Variants in OTUD7B observed in about 807,000 individuals in gnomAD.
The protein encoded by OTUD7B is OTU domain-containing protein 7B.
A neutral mutation model predicts 82.2 loss-of-function variants in OTUD7B; 34 were observed. The ratio of observed to expected loss-of-function variants is 0.41; its 90% CI spans 0.31 to 0.55. The LOEUF is 0.55. Ranked by LOEUF, OTUD7B falls within the 20% of genes least tolerant of loss-of-function variation. The pLI, the probability that OTUD7B is intolerant of heterozygous loss-of-function variation, is 0.20. For synonymous variants in OTUD7B, 398 were observed against 402.7 expected (o/e 0.99, Z 0.14); for missense variants, 944 against 1,062.1 (o/e 0.89, Z 1.55).
chr1:150,043,652 C>T, the OTUD7B span, among the ~76,000 whole-genome samples: 1 of 152,086 alleles, frequency 6.6e-6, no homozygotes, highest in African/African-American at 2.4e-5. Flanking sequence ...ACTAGTTGAT[C>T]ACTACATTCC....
Position 149,971,146 on chromosome 1 carries a change from C to T in OTUD7B, c.191G>A (p.Arg64Lys). 1 of 1,613,792 alleles carries T rather than the reference C, an allele frequency of 6.2e-7. No homozygotes were observed. The highest frequency in any genetic ancestry group is 8.5e-7 in the Non-Finnish European group (1 of 1,179,764). The stretch of plus-strand genomic sequence containing the variant: ...GTCAGAAAACCCTTTTTCAGGGGTC[C>T]TGGAGCCACCACTCCCCTCACTAAA... ...PSFSEGSGGS[R>K]TPEKGFSDRE... The change falls in exon 3 of 12, where the codon AGG becomes AAG. Residue 64 changes from arginine (R) to lysine (K), a missense_variant. Arg to Lys is a conservative substitution (Grantham distance 26, BLOSUM62 2). This residue lies in a region of OTUD7B where 530 missense variants were observed against 625.6 expected (regional missense o/e 0.85). Coordinates refer to ENST00000581312, the MANE Select transcript of OTUD7B (RefSeq NM_020205.4).
At chr1:149,975,893 C>T (rs1650271914) in intron 2 of OTUD7B, among the ~76,000 whole-genome samples, 1 of 151,470 alleles carries the variant, frequency 6.6e-6, no homozygotes, top group Admixed American at 6.6e-5. Context: ...TGGTGGCGCG[C>T]GTCTGTAGTC....
the OTUD7B span, among the ~76,000 whole-genome samples, chr1:150,038,538 C>T: frequency 6.6e-6 from 1 of 151,778 alleles, no homozygotes; most frequent in African/African-American, 2.4e-5. Flanking sequence ...AGGCACACAC[C>T]GCCACACCTG....
At chr1:149,971,788 G>T (rs587746796) in intron 2 of OTUD7B, among the ~76,000 whole-genome samples, 1 of 152,226 alleles carries the variant, frequency 6.6e-6, no homozygotes, top group South Asian at 2.1e-4. Flanking sequence ...CCAAATTTAA[G>T]AATCACCATT....
the OTUD7B span, among the ~76,000 whole-genome samples, chr1:150,026,702 C>A: frequency 6.6e-6 from 1 of 151,954 alleles, no homozygotes; most frequent in Non-Finnish European, 1.5e-5. Flanking sequence ...ACGGTGACAG[C>A]AACTTAAAAG....
the OTUD7B span, among the ~76,000 whole-genome samples, chr1:150,040,732 T>C: frequency 1.4e-5 from 2 of 140,362 alleles, no homozygotes; most frequent in Non-Finnish European, 1.5e-5. Context: ...TTTTTTGAGA[T>C]GGAGTCTCAC....
intron 1 of OTUD7B, among the ~76,000 whole-genome samples, chr1:150,009,578 G>A (rs1027584406): frequency 2.6e-5 from 4 of 152,170 alleles, no homozygotes; most frequent in African/African-American, 4.8e-5. Context: ...AGTTTGTGGG[G>A]AACTTCTTCC....
chr1:150,015,581 T>C (rs587704390), upstream of OTUD7B, among the ~76,000 whole-genome samples: 1 of 152,224 alleles, frequency 6.6e-6, no homozygotes, highest in African/African-American at 2.4e-5. Flanking sequence ...AGTGCTGACA[T>C]TACAAGTGTG....
chr1:149,978,235 G>A (rs587627598), intron 1 of OTUD7B, among the ~76,000 whole-genome samples: 15 of 152,268 alleles, frequency 9.9e-5, no homozygotes, highest in Admixed American at 2.6e-4. Flanking sequence ...GGCCAGGTGC[G>A]GTGGCTCACG....
At chr1:150,033,176 C>T in the OTUD7B span, among the ~76,000 whole-genome samples, 1 of 152,148 alleles carries the variant, frequency 6.6e-6, no homozygotes, top group African/African-American at 2.4e-5. Context: ...AGTCTGAATG[C>T]GTTTAAGACC....
At chr1:150,067,500 A>T in the OTUD7B span, 3 of 252,090 alleles carry the variant, frequency 1.2e-5, no homozygotes, top group East Asian at 2.2e-4. Flanking sequence ...CAGGTTCCTC[A>T]TTTCGCGAGG....
chr1:149,976,649 TTA>T (rs1254051086), intron 2 of OTUD7B, among the ~76,000 whole-genome samples: 10 of 139,818 alleles, frequency 7.2e-5, no homozygotes, highest in African/African-American at 2.7e-4. Flanking sequence ...ACATTCAAAC[TTA>T]TGTGTATAAA....
At chr1:149,974,619 G>C (rs782726231) in intron 2 of OTUD7B, among the ~76,000 whole-genome samples, 1 of 128,822 alleles carries the variant, frequency 7.8e-6, no homozygotes. Flanking sequence ...GCAGAATCTC[G>C]ACTCACCGCA....
At chr1:150,004,792 C>A (rs1226269133) in intron 1 of OTUD7B, among the ~76,000 whole-genome samples, 1 of 152,030 alleles carries the variant, frequency 6.6e-6, no homozygotes, top group African/African-American at 2.4e-5. Context: ...CCTTTCAGCT[C>A]CAATATGAAA....
At chr1:150,062,158 G>T in the OTUD7B span, among the ~76,000 whole-genome samples, 6 of 152,300 alleles carry the variant, frequency 3.9e-5, no homozygotes, top group East Asian at 1.2e-3. Flanking sequence ...TTCCTTGGGA[G>T]TTTCCATGGA....
chr1:149,946,741 GAA>G (rs1553772237), intron 11 of OTUD7B, among the ~76,000 whole-genome samples: 1,717 of 79,486 alleles, frequency 0.022, 56 homozygotes, highest in African/African-American at 0.086. Context: ...GACTTCCTCT[GAA>G]AAAAAAAAAA....
At chr1:149,980,690 C>A (rs1161711879) in intron 1 of OTUD7B, among the ~76,000 whole-genome samples, 1 of 150,992 alleles carries the variant, frequency 6.6e-6, no homozygotes, top group Non-Finnish European at 1.5e-5. Context: ...CCAGCCTGGG[C>A]GACAGAGCAA....
At chr1:150,065,849 G>GTTTCTTTTTTT in the OTUD7B span, among the ~76,000 whole-genome samples, 3 of 151,534 alleles carry the variant, frequency 2.0e-5, no homozygotes, top group African/African-American at 7.4e-5. Flanking sequence ...TGTTCAAAAT[G>GTTTCTTTTTTT]TTTATGTTCC....
At position 150,010,544 on chromosome 1, in the gene OTUD7B, GC is replaced by G. The variant is rs1652975342; in HGVS notation, c.-164del. On this transcript the variant is annotated 5_prime_UTR_variant, in exon 1 of 12. Transcript: ENST00000581312. ...CGGCAGTGACCCCGGGGTCCGGCCG[GC>G]CCCTCCCCCGACGGCGATGGAGGTG... 6.5e-6 allele frequency: 1 copy of G among 152,928 alleles called. No individual in the cohort carries two copies. 9.5% of individuals were successfully genotyped at this position (152,928 alleles called of 1,614,324 possible). A position where few individuals can be genotyped will look rare whatever the true frequency, so the allele number is the denominator to read the frequency against.
Sources: gnomAD v4.1 joint callset for allele counts (sites outside exome capture counted in the v4.1 genomes callset) on GRCh38, gnomAD v4.1.1 for gene constraint, gnomAD v4.1.1 regional missense constraint, MANE v1.5 for transcripts, NCBI Gene and HGNC (gene_info 2026-07-23, HGNC 2026-07-21) for gene names.